TGFA: variants seen among roughly 807,000 people sequenced by gnomAD.
TGFA encodes the protein transforming growth factor alpha.
In TGFA, 12 loss-of-function variants were observed where a neutral mutation model predicts 21.7. The observed-to-expected ratio is 0.55, with a 90% confidence interval of 0.35 to 0.90. The LOEUF is 0.90. Ranked by LOEUF, TGFA falls within the 40% of genes least tolerant of loss-of-function variation. TGFA has a pLI of 0.01. For missense variants in TGFA, 178 were observed against 210.8 expected (o/e 0.84, Z 0.96); for synonymous variants, 79 against 88.1 (o/e 0.90, Z 0.58).
intron 1 of TGFA, among the ~76,000 whole-genome samples, chr2:70,548,329 A>T (rs1673379599): frequency 6.6e-6 from 1 of 152,188 alleles, no homozygotes. Context: ...AAACTGATAG[A>T]GGAGAGAGGT....
At chr2:70,551,099 T>C (rs1368538625) in intron 1 of TGFA, among the ~76,000 whole-genome samples, 2 of 152,016 alleles carry the variant, frequency 1.3e-5, no homozygotes, top group Non-Finnish European at 2.9e-5. Flanking sequence ...AAGATTAAGA[T>C]CTTACTACAT....
In TGFA at chr2:70,465,612, T is replaced by A; in HGVS notation, c.215+4A>T. On this transcript the variant is annotated splice_donor_region_variant and intron_variant, in intron 3 of 5. Transcript: ENST00000295400. ...AGATCTCCAGGAGAACAGGGGATACTTACACACATGCTGGCTTGTCCTCCT... is the reference window on the plus strand; with the variant it reads ...AGATCTCCAGGAGAACAGGGGATACATACACACATGCTGGCTTGTCCTCCT... 4 of 1,614,136 alleles carry A rather than the reference T, an allele frequency of 2.5e-6. No individual in the cohort carries two copies. Among genetic ancestry groups the A allele is most frequent in the Non-Finnish European group, 3.4e-6 (4 of 1,180,000 alleles).
At chr2:70,526,846 C>T (rs560167680) in intron 1 of TGFA, among the ~76,000 whole-genome samples, 58 of 152,282 alleles carry the variant, frequency 3.8e-4, no homozygotes, top group African/African-American at 1.4e-3. Flanking sequence ...AGGAAGACTA[C>T]AGAAAGAAGA....
In TGFA at chr2:70,542,596, C is replaced by T. The variant is rs149722110; in HGVS notation, c.40+11132G>A. On this transcript the variant is annotated intron_variant, in intron 1 of 5. Transcript: ENST00000295400. ...GCATTGGTTGTGCACCTAATGGACA[C>T]AATGGTAAATTTGGAGGTTTTTAAG... Among the ~76,000 whole-genome samples, 946 of 152,276 alleles carry T rather than the reference C, an allele frequency of 6.2e-3. 11 individuals carry two copies. The highest frequency in any genetic ancestry group is 0.021 in the African/African-American group (861 of 41,556).
chr2:70,535,069 A>G (rs1420734892), intron 1 of TGFA, among the ~76,000 whole-genome samples: 1 of 152,094 alleles, frequency 6.6e-6, no homozygotes, highest in East Asian at 1.9e-4. Context: ...AAATGGAGAT[A>G]CCATATCTCA....
intron 2 of TGFA, among the ~76,000 whole-genome samples, chr2:70,506,128 C>A (rs1671919716): frequency 6.6e-6 from 1 of 152,206 alleles, no homozygotes; most frequent in Admixed American, 6.5e-5. Context: ...ATCATTTCAT[C>A]ACAGTAAGGC....
chr2:70,534,499 T>C (rs1024400811), intron 1 of TGFA, among the ~76,000 whole-genome samples: 3 of 152,152 alleles, frequency 2.0e-5, no homozygotes, highest in African/African-American at 7.2e-5. Context: ...ACAGACTGCC[T>C]ACATCAACAG....
intron 1 of TGFA, among the ~76,000 whole-genome samples, chr2:70,542,254 C>T (rs536337876): frequency 7.9e-5 from 12 of 152,122 alleles, no homozygotes; most frequent in Non-Finnish European, 1.5e-4. Flanking sequence ...CAGCTTCAGC[C>T]ACTTTTGTGT....
At chr2:70,481,832 T>C (rs1484625905) in intron 2 of TGFA, among the ~76,000 whole-genome samples, 2 of 152,152 alleles carry the variant, frequency 1.3e-5, no homozygotes, top group Non-Finnish European at 2.9e-5. Flanking sequence ...CAATAGCTTG[T>C]AAGTGAGCCA....
At chr2:70,521,038 C>T (rs983264602) in intron 1 of TGFA, among the ~76,000 whole-genome samples, 4 of 152,040 alleles carry the variant, frequency 2.6e-5, no homozygotes, top group African/African-American at 7.3e-5. Flanking sequence ...AATTCAGGCC[C>T]TATCATCTCT....
intron 1 of TGFA, among the ~76,000 whole-genome samples, chr2:70,519,868 T>A (rs1553502023): frequency 1.3e-5 from 2 of 152,246 alleles, no homozygotes; most frequent in Non-Finnish European, 2.9e-5. Flanking sequence ...TACCACTTTC[T>A]AGCCTGTCAC....
chr2:70,539,321 C>G (rs1230818470), intron 1 of TGFA, among the ~76,000 whole-genome samples: 1 of 152,072 alleles, frequency 6.6e-6, no homozygotes, highest in African/African-American at 2.4e-5. Flanking sequence ...TCAAAACCCC[C>G]GTAAAATGGC....
chr2:70,456,016 C>T (rs1670216913), intron 4 of TGFA, among the ~76,000 whole-genome samples: 1 of 152,252 alleles, frequency 6.6e-6, no homozygotes, highest in South Asian at 2.1e-4. Context: ...CTCTAGTCCT[C>T]TCTGGAGCAC....
chr2:70,487,936 A>T (rs1559115323), intron 2 of TGFA, among the ~76,000 whole-genome samples: 2 of 152,242 alleles, frequency 1.3e-5, no homozygotes, highest in African/African-American at 4.8e-5. Context: ...CACTCCCCTG[A>T]GGAGGAGATG....
intron 1 of TGFA, among the ~76,000 whole-genome samples, chr2:70,520,391 T>G (rs1167501708): frequency 7.4e-6 from 1 of 134,350 alleles, no homozygotes; most frequent in Non-Finnish European, 1.6e-5. Context: ...GGTGGGCATC[T>G]GTAATACCAG....
chr2:70,529,104 T>C (rs976376658), intron 1 of TGFA, among the ~76,000 whole-genome samples: 1 of 152,248 alleles, frequency 6.6e-6, no homozygotes, highest in South Asian at 2.1e-4. Context: ...GTTTGTTTTC[T>C]GTCTCCTTGG....
intron 1 of TGFA, among the ~76,000 whole-genome samples, chr2:70,550,211 G>C (rs1673446426): frequency 6.6e-6 from 1 of 152,074 alleles, no homozygotes; most frequent in South Asian, 2.1e-4. Flanking sequence ...AAATAATAAA[G>C]CTTATCTCTG....
intron 2 of TGFA, among the ~76,000 whole-genome samples, chr2:70,485,122 T>C (rs1427384715): frequency 2.0e-5 from 3 of 152,180 alleles, no homozygotes. Flanking sequence ...TATAAATCTG[T>C]AGTTACCCAA....
intron 3 of TGFA, among the ~76,000 whole-genome samples, chr2:70,462,427 C>A (rs1190475316): frequency 1.3e-5 from 2 of 152,156 alleles, no homozygotes; most frequent in African/African-American, 4.8e-5. Context: ...AGCCAAGTGG[C>A]CTAGTGTAAG....
Sources: allele counts gnomAD v4.1 joint callset (sites outside exome capture counted in the v4.1 genomes callset), GRCh38; gene constraint gnomAD v4.1.1; transcripts MANE v1.5; gene names NCBI Gene and HGNC (gene_info 2026-07-23, HGNC 2026-07-21).